The following NUP43 variants were observed in gnomAD, a reference collection of about 807,000 sequenced individuals.
NUP43 encodes nucleoporin Nup43.
NUP43 carries 32 observed loss-of-function variants against 47.3 expected under a neutral mutation model. That is an observed-to-expected ratio of 0.68 (90% CI 0.51 to 0.91). The LOEUF is 0.91. Ranked by LOEUF, NUP43 falls within the 40% of genes least tolerant of loss-of-function variation. NUP43 has a pLI of 0.00. For synonymous variants in NUP43, 147 were observed against 158.4 expected (o/e 0.93, Z 0.54); for missense variants, 444 against 453.9 (o/e 0.98, Z 0.20).
rs750360950 is a variant in NUP43 at position 149,726,979 on chromosome 6, A to G, written c.1133T>C (p.Leu378Pro). 3.1e-6 allele frequency: 5 copies of G among 1,611,846 alleles called. No homozygotes were observed. In the African/African-American group the frequency reaches 6.7e-5, roughly 22 times the overall value. Residue 378 changes from leucine (L) to proline (P), a missense_variant, in exon 8 of 8, where the codon CTT becomes CCT. By Grantham distance (98) the Leu-to-Pro change is moderately conservative. Coordinates refer to ENST00000340413, the MANE Select transcript of NUP43 (RefSeq NM_198887.3). ...ATAATTATAGTACTTCTACGAAAAA[A>G]GATGTCTAGTAACATAAATTGCTTC... ...DAEAIYVTRHLFS is the reference protein window; with the variant it reads ...DAEAIYVTRHPFS
chr6:149,729,620 C>T (rs974409311), intron 7 of NUP43: 6 of 683,716 alleles, frequency 8.8e-6, no homozygotes, highest in East Asian at 1.4e-4. Context: ...TTTGTTCTCC[C>T]AGCACCCCTC....
chr6:149,729,104 C>T (rs964551606), intron 7 of NUP43, among the ~76,000 whole-genome samples: 1 of 152,104 alleles, frequency 6.6e-6, no homozygotes, highest in Non-Finnish European at 1.5e-5. Flanking sequence ...AATTCTCCTG[C>T]CTCAGCCTCC....
At chr6:149,747,208 G>A (rs1038429474), upstream of NUP43, among the ~76,000 whole-genome samples, 2 of 152,024 alleles carry the variant, frequency 1.3e-5, no homozygotes, top group African/African-American at 4.8e-5. Context: ...TCAGAATCCT[G>A]CCTATCCTTC....
At chr6:149,744,185 G>A (rs1163939733) in intron 2 of NUP43, among the ~76,000 whole-genome samples, 2 of 152,038 alleles carry the variant, frequency 1.3e-5, no homozygotes, top group Non-Finnish European at 2.9e-5. Flanking sequence ...CTGCATTCCA[G>A]CCTAGTTGAC....
intron 4 of NUP43, among the ~76,000 whole-genome samples, chr6:149,739,293 CTTTTTG>C (rs902476887): frequency 1.3e-5 from 2 of 151,230 alleles, no homozygotes; most frequent in African/African-American, 4.9e-5. Flanking sequence ...TTTTCTTTTT[CTTTTTG>C]TTTTTTGAGA....
At chr6:149,738,541 A>C (rs1785482619) in intron 5 of NUP43, 102 bp downstream of exon 5, 1 of 856,110 alleles carries the variant, frequency 1.2e-6, no homozygotes, top group East Asian at 2.9e-5. Flanking sequence ...TCTCCCTCTT[A>C]AAATGCAATT....
intron 7 of NUP43, among the ~76,000 whole-genome samples, chr6:149,730,835 G>A (rs1784998667): frequency 6.6e-6 from 1 of 152,042 alleles, no homozygotes; most frequent in South Asian, 2.1e-4. Context: ...CTATTTGGGA[G>A]GCTGGGGCAG....
chr6:149,738,691 A>G lies in NUP43; in HGVS notation c.590T>C (p.Ile197Thr), dbSNP rs759926801. 1 of 1,594,732 alleles carries G rather than the reference A, an allele frequency of 6.3e-7. No individual in the cohort carries two copies. Among genetic ancestry groups the G allele is most frequent in the Admixed American group, 1.8e-5 (1 of 56,528 alleles). ...ATTTCCTTGTTGTCTGAAATCCCATATTTTCAACTGTCCAATTGAATTTAC... is the reference window on the plus strand; with the variant it reads ...ATTTCCTTGTTGTCTGAAATCCCATGTTTTCAACTGTCCAATTGAATTTAC... ...LTVNSIGQLK[I>T]WDFRQQGNEP... Residue 197 changes from isoleucine to threonine, a missense_variant, in exon 5 of 8, where the codon ATA (isoleucine) becomes ACA (threonine). Transcript: ENST00000340413.
chr6:149,739,615 G>A (rs1281836076), intron 4 of NUP43, among the ~76,000 whole-genome samples: 2 of 152,228 alleles, frequency 1.3e-5, no homozygotes, highest in East Asian at 1.9e-4. Flanking sequence ...GGAAGGCTGA[G>A]TTTTCATACA....
chr6:149,733,191 G>A (rs752991947), intron 6 of NUP43, among the ~76,000 whole-genome samples: 11 of 151,998 alleles, frequency 7.2e-5, no homozygotes, highest in Non-Finnish European at 1.5e-4. Context: ...ATTTCTAAGA[G>A]GCAATATCCA....
At position 149,742,466 on chromosome 6, in the gene NUP43, TG is replaced by T; in HGVS notation, c.425del (p.Pro142GlnfsTer12). On this transcript the variant is annotated frameshift_variant, in exon 4 of 8. Transcript: ENST00000340413. LOFTEE classifies it high-confidence loss of function. Reference protein sequence around the residue: ...APCTGVVCNNPEIVTVGEDGR... With the variant: ...APCTGVVCNNXEIVTVGEDGR... Reference sequence around the variant, plus strand: ...CATCCTCTCCAACTGTAACGATTTCTGGGTTGTTGCACACAACACCTGTACA... The same window carrying T: ...CATCCTCTCCAACTGTAACGATTTCTGGTTGTTGCACACAACACCTGTACA... 1 of 1,614,178 alleles carries T rather than the reference TG, an allele frequency of 6.2e-7. No individual in the cohort carries two copies. The highest frequency in any genetic ancestry group is 8.5e-7 in the Non-Finnish European group (1 of 1,180,010).
chr6:149,730,233 T>A (rs987721150), intron 7 of NUP43, among the ~76,000 whole-genome samples: 7 of 152,118 alleles, frequency 4.6e-5, no homozygotes, highest in Admixed American at 3.3e-4. Context: ...GGTCTCGAAC[T>A]CCCAAACTCA....
rs977834478 is a variant in NUP43 at position 149,727,567 on chromosome 6, T to C, written c.914-369A>G. The C allele has an allele frequency of 5.3e-6, 5 of 935,732 alleles. No homozygotes were observed. In the Admixed American group the frequency reaches 3.1e-4, roughly 58 times the overall value. The allele number at this position is 935,732 out of a possible 1,614,324, so 58.0% of individuals were successfully genotyped here. Reference sequence around the variant, plus strand: ...CAAAAATGTAGGTAATACATGGAAATATAAACTCTTGGGTAATAACAAAAT... The same window carrying C: ...CAAAAATGTAGGTAATACATGGAAACATAAACTCTTGGGTAATAACAAAAT... On this transcript the variant is annotated intron_variant, in intron 7 of 7. Transcript: ENST00000340413.
At chr6:149,735,337 AT>A (rs951179499) in intron 6 of NUP43, among the ~76,000 whole-genome samples, 4 of 152,186 alleles carry the variant, frequency 2.6e-5, no homozygotes, top group African/African-American at 9.7e-5. Flanking sequence ...AACTACAGGC[AT>A]GTGCCAATGT....
intron 6 of NUP43, among the ~76,000 whole-genome samples, chr6:149,735,616 A>AAAAAC (rs1367335036): frequency 1.3e-5 from 2 of 150,448 alleles, no homozygotes; most frequent in African/African-American, 4.9e-5. Flanking sequence ...AAAAAAAAAA[A>AAAAAC]AAAACACACA....
In NUP43 at chr6:149,731,745, A is replaced by G. The variant is rs1785056551; in HGVS notation, c.791-10T>C. The G allele has an allele frequency of 1.2e-6, 2 of 1,612,968 alleles. No homozygotes were observed. Among genetic ancestry groups the G allele is most frequent in the African/African-American group, 1.3e-5 (1 of 74,858 alleles). On this transcript the variant is annotated splice_polypyrimidine_tract_variant and intron_variant, in intron 6 of 7. Coordinates refer to ENST00000340413, the MANE Select transcript of NUP43 (RefSeq NM_198887.3). ...AAGTGAACTTCCCACACTAAGAGAC[A>G]AGAATCAATAAGCTCATTCCTGTGC...
chr6:149,737,832 A>AG (rs1036260463), intron 5 of NUP43, among the ~76,000 whole-genome samples: 7 of 152,082 alleles, frequency 4.6e-5, no homozygotes, highest in African/African-American at 1.7e-4. Context: ...CGGGGTCTAT[A>AG]GGCACGTGCC....
At chr6:149,732,042 C>T (rs1026575286) in intron 6 of NUP43, among the ~76,000 whole-genome samples, 4 of 151,512 alleles carry the variant, frequency 2.6e-5, no homozygotes, top group South Asian at 2.1e-4. Context: ...GTTAGCCAGG[C>T]GTGGTGGCGC....
At chr6:149,729,872 G>A (rs1784947536) in intron 7 of NUP43, among the ~76,000 whole-genome samples, 1 of 152,084 alleles carries the variant, frequency 6.6e-6, no homozygotes, top group African/African-American at 2.4e-5. Flanking sequence ...AAATGAATAA[G>A]CAAAAGAACT....
Sources: gnomAD v4.1 joint callset for allele counts (sites outside exome capture counted in the v4.1 genomes callset) on GRCh38, gnomAD v4.1.1 for gene constraint, MANE v1.5 for transcripts, NCBI Gene and HGNC (gene_info 2026-07-23, HGNC 2026-07-21) for gene names.